Variants in SKAP1 observed in about 807,000 individuals in gnomAD.
SKAP1 encodes src kinase associated phosphoprotein 1.
SKAP1 carries 44 observed loss-of-function variants against 58.5 expected under a neutral mutation model. The observed-to-expected ratio is 0.75, with a 90% confidence interval of 0.59 to 0.97. The LOEUF (loss-of-function observed/expected upper bound fraction) is 0.97, where lower values mean the gene tolerates loss of function less well. Among genes scored for constraint, SKAP1 ranks in the 50% least tolerant of loss-of-function variants. The pLI, the probability that SKAP1 is intolerant of heterozygous loss-of-function variation, is 0.00. For missense variants in SKAP1, 390 were observed against 435.2 expected (o/e 0.90, Z 0.92); for synonymous variants, 127 against 149.7 (o/e 0.85, Z 1.11).
chr17:48,328,233 T>C (rs754562214), intron 4 of SKAP1, among the ~76,000 whole-genome samples: 1 of 152,174 alleles, frequency 6.6e-6, no homozygotes, highest in Non-Finnish European at 1.5e-5. Context: ...TTGAACAAGG[T>C]TTTTAAAGTG....
intron 4 of SKAP1, chr17:48,193,826 T>C (rs547167834): frequency 1.0e-5 from 7 of 685,270 alleles, no homozygotes; most frequent in Admixed American, 6.3e-5. Flanking sequence ...ATAGAAAGTA[T>C]GTAAAATATG....
At chr17:48,200,358 G>A (rs1315448300) in intron 4 of SKAP1, among the ~76,000 whole-genome samples, 1 of 151,930 alleles carries the variant, frequency 6.6e-6, no homozygotes, top group Non-Finnish European at 1.5e-5. Context: ...TCCATCACAA[G>A]ATTGGGCCAT....
chr17:48,160,124 TTTC>T (rs904823861), intron 11 of SKAP1, among the ~76,000 whole-genome samples: 103 of 152,238 alleles, frequency 6.8e-4, no homozygotes, highest in African/African-American at 2.4e-3. Context: ...TTTGCTTTCT[TTTC>T]TTCTTTTTTT....
At chr17:48,159,434 A>G (rs776186894) in intron 11 of SKAP1, among the ~76,000 whole-genome samples, 11 of 152,246 alleles carry the variant, frequency 7.2e-5, no homozygotes, top group African/African-American at 2.4e-4. Context: ...ATTCCTAAAC[A>G]GCAGGCCCTT....
chr17:48,231,522 G>A (rs1170460214), intron 4 of SKAP1, among the ~76,000 whole-genome samples: 1 of 140,254 alleles, frequency 7.1e-6, no homozygotes, highest in African/African-American at 2.7e-5. Flanking sequence ...ATGTAGTTGA[G>A]AGGGTTTCAG....
intron 2 of SKAP1, among the ~76,000 whole-genome samples, chr17:48,380,782 C>T (rs529165443): frequency 6.6e-5 from 10 of 152,248 alleles, no homozygotes; most frequent in Admixed American, 1.3e-4. Context: ...AATACATTTT[C>T]CTAATGAAAC....
chr17:48,390,499 G>C (rs2067331615), intron 2 of SKAP1, among the ~76,000 whole-genome samples: 1 of 152,096 alleles, frequency 6.6e-6, no homozygotes, highest in Non-Finnish European at 1.5e-5. Flanking sequence ...CTGAAACCAA[G>C]ACAAATCCAT....
intron 1 of SKAP1, among the ~76,000 whole-genome samples, chr17:48,400,089 CT>C (rs2067477522): frequency 2.0e-5 from 3 of 148,802 alleles, no homozygotes; most frequent in Admixed American, 1.3e-4. Context: ...AACTGTATTT[CT>C]TTTTTCTTTT....
chr17:48,308,540 C>T (rs2066179292), intron 4 of SKAP1: 1 of 152,042 alleles, frequency 6.6e-6, no homozygotes, highest in African/African-American at 2.4e-5. Context: ...TTACATATTT[C>T]CTTTTTGTTG....
intron 4 of SKAP1, among the ~76,000 whole-genome samples, chr17:48,314,776 T>C (rs2066267610): frequency 6.6e-6 from 1 of 152,150 alleles, no homozygotes; most frequent in South Asian, 2.1e-4. Flanking sequence ...CGAGGAATAC[T>C]TGAAAAATGC....
At chr17:48,377,643 C>T (rs2067167194) in intron 2 of SKAP1, among the ~76,000 whole-genome samples, 1 of 151,574 alleles carries the variant, frequency 6.6e-6, no homozygotes, top group Non-Finnish European at 1.5e-5. Flanking sequence ...CAATTTTTCT[C>T]CAGAACTGAA....
intron 4 of SKAP1, among the ~76,000 whole-genome samples, chr17:48,197,257 CAAA>C (rs35979686): frequency 4.0e-4 from 39 of 97,574 alleles, no homozygotes; most frequent in East Asian, 1.1e-3. Flanking sequence ...GACTCCGACT[CAAA>C]AAAAAAAAAA....
chr17:48,182,553 A>C, intron 7 of SKAP1, 96 bp from the exon 8 acceptor site: 1 of 827,664 alleles, frequency 1.2e-6, no homozygotes, highest in Non-Finnish European at 2.0e-6. Flanking sequence ...TGAGTTTCAG[A>C]GTCAAGTTTA....
intron 7 of SKAP1, 61 bp from the exon 8 acceptor site, chr17:48,182,518 G>T: frequency 8.0e-7 from 1 of 1,252,374 alleles, no homozygotes; most frequent in South Asian, 1.3e-5. Context: ...AATCTTGACA[G>T]GGATGTCCAA....
chr17:48,385,370 G>A (rs930112625), intron 2 of SKAP1, among the ~76,000 whole-genome samples: 2 of 152,088 alleles, frequency 1.3e-5, no homozygotes, highest in African/African-American at 4.8e-5. Flanking sequence ...GGGAATCACT[G>A]TGTAGGACAC....
At chr17:48,251,482 A>G (rs1003366096) in intron 4 of SKAP1, among the ~76,000 whole-genome samples, 2 of 152,232 alleles carry the variant, frequency 1.3e-5, no homozygotes, top group African/African-American at 4.8e-5. Flanking sequence ...CTTGAAAGGG[A>G]CAAGAAAATG....
intron 2 of SKAP1, among the ~76,000 whole-genome samples, chr17:48,392,180 GA>G (rs1295121014): frequency 6.6e-6 from 1 of 152,044 alleles, no homozygotes; most frequent in Non-Finnish European, 1.5e-5. Context: ...AAGCTGAAAA[GA>G]AAACATGAAA....
chr17:48,425,599 A>T (rs1351090883), intron 1 of SKAP1, among the ~76,000 whole-genome samples: 1 of 152,222 alleles, frequency 6.6e-6, no homozygotes, highest in African/African-American at 2.4e-5. Flanking sequence ...TTAAGCAAAA[A>T]AGATTCTGAG....
upstream of SKAP1, among the ~76,000 whole-genome samples, chr17:48,433,745 A>G (rs1239935904): frequency 1.3e-5 from 2 of 152,154 alleles, no homozygotes; most frequent in Non-Finnish European, 2.9e-5. Context: ...CAGAAAACAC[A>G]CCGCCTTGTC....
Sources: allele counts gnomAD v4.1 joint callset (sites outside exome capture counted in the v4.1 genomes callset), GRCh38; gene constraint gnomAD v4.1.1; transcripts MANE v1.5; gene names NCBI Gene and HGNC (gene_info 2026-07-23, HGNC 2026-07-21).